The following THEM5 variants were observed in gnomAD, a reference collection of about 807,000 sequenced individuals.
THEM5 encodes acyl-coenzyme A thioesterase THEM5.
A neutral mutation model predicts 24.2 loss-of-function variants in THEM5; 28 were observed. The ratio of observed to expected loss-of-function variants is 1.16; its 90% confidence interval spans 0.86 to 1.59. The LOEUF (loss-of-function observed/expected upper bound fraction) is 1.59, where lower values mean the gene tolerates loss of function less well. THEM5 is among the 40% of genes most tolerant of loss of function. The probability of loss-of-function intolerance (pLI) is 0.00; values close to 1 mark genes in which losing one functional copy is unlikely to be tolerated. For synonymous variants in THEM5, 87 were observed against 114.5 expected, an observed-to-expected ratio of 0.76 and a Z score of 1.53; for missense variants, 260 against 296.8, an observed-to-expected ratio of 0.88 and a Z score of 0.91.
intron 5 of THEM5, 83 bp from the exon 6 acceptor site, chr1:151,847,497 A>G: frequency 6.4e-7 from 1 of 1,573,616 alleles, no homozygotes; most frequent in Non-Finnish European, 8.7e-7. Context: ...TTTGGCTGCA[A>G]ATTACCCATT....
intron 5 of THEM5, 103 bp downstream of exon 5, chr1:151,847,635 C>G: frequency 1.3e-6 from 2 of 1,514,122 alleles, no homozygotes; most frequent in Non-Finnish European, 1.8e-6. Flanking sequence ...AGAAGCTGGA[C>G]CGCAGCTTGG....
rs911419376 is a variant in THEM5, at chr1:151,849,468, C to T, written c.465-1176G>A. On this transcript the variant is annotated intron_variant, in intron 3 of 5. Transcript: ENST00000368817. ...ACCAGTGGCTTTTCCAGACCCTTCC[C>T]TCCCTGCTTCTTTAGTCTCTATCCA... Among the ~76,000 whole-genome samples the T allele has an allele frequency of 3.3e-4, 51 of 152,292 alleles. 1 individual carries two copies. The highest frequency in any genetic ancestry group is 2.2e-3 in the Admixed American group (33 of 15,298).
At chr1:151,848,325 G>T in intron 3 of THEM5, 33 bp from the exon 4 acceptor site, 3 of 1,572,284 alleles carry the variant, frequency 1.9e-6, no homozygotes, top group Non-Finnish European at 2.6e-6. Flanking sequence ...AGCAAGGCCT[G>T]GGCTGGGGCT....
At chr1:151,848,954 C>A (rs116276359) in intron 3 of THEM5, among the ~76,000 whole-genome samples, 2,210 of 152,310 alleles carry the variant, frequency 0.015, 27 homozygotes, top group Non-Finnish European at 0.024. Flanking sequence ...CGCAGTGGCT[C>A]ACGCCTGTAA....
intron 2 of THEM5, 74 bp from the exon 3 acceptor site, chr1:151,851,265 C>G: frequency 3.1e-6 from 5 of 1,590,392 alleles, no homozygotes; most frequent in Non-Finnish European, 4.3e-6. Context: ...TTGGTTGAGT[C>G]TTGCCTCTGG....
At chr1:151,853,288 G>T (rs1163275959) in intron 1 of THEM5, among the ~76,000 whole-genome samples, 155 bp downstream of exon 1, 2 of 152,208 alleles carry the variant, frequency 1.3e-5, no homozygotes, top group Non-Finnish European at 1.5e-5. Context: ...GGGCAACTTG[G>T]TATCCCAGAG....
chr1:151,851,344 G>C (rs1430692635), intron 2 of THEM5, among the ~76,000 whole-genome samples, 153 bp from the exon 3 acceptor site: 1 of 152,178 alleles, frequency 6.6e-6, no homozygotes, highest in Non-Finnish European at 1.5e-5. Flanking sequence ...TCTGGGAGCA[G>C]AGGCACAGTT....
At position 151,853,419 on chromosome 1, in the gene THEM5, C is replaced by G. The variant is rs751229305; in HGVS notation, c.123+24G>C. 37 of 1,607,266 alleles carry G rather than the reference C, an allele frequency of 2.3e-5. No individual in the cohort carries two copies. In the East Asian group the frequency reaches 7.6e-4, roughly 33 times the overall value. ...CCTAGGCTCCTGGGAAAACACTGCCCATCTGGCTGAGCTGGGAACTCACCA... is the reference window on the plus strand; with the variant it reads ...CCTAGGCTCCTGGGAAAACACTGCCGATCTGGCTGAGCTGGGAACTCACCA... On this transcript the variant is annotated intron_variant, in intron 1 of 5. Transcript: ENST00000368817.
intron 1 of THEM5, 90 bp from the exon 2 acceptor site, chr1:151,852,549 C>G: frequency 4.9e-6 from 6 of 1,235,620 alleles, no homozygotes; most frequent in Non-Finnish European, 7.0e-6. Context: ...TTCCTGGGTG[C>G]TGGGGCTTCT....
chr1:151,850,331 C>G (rs1351388759), intron 3 of THEM5: 2 of 152,300 alleles, frequency 1.3e-5, no homozygotes, highest in Non-Finnish European at 2.9e-5. Flanking sequence ...CCACGGTCAG[C>G]CTGATTTCCC....
chr1:151,847,912 A>T, intron 4 of THEM5, 50 bp from the exon 5 acceptor site: 1 of 1,610,408 alleles, frequency 6.2e-7, no homozygotes. Flanking sequence ...CCGGTTCCCC[A>T]TCCCTTCACT....
At chr1:151,847,632 G>T in intron 5 of THEM5, 106 bp downstream of exon 5, 1 of 1,511,952 alleles carries the variant, frequency 6.6e-7, no homozygotes, top group Non-Finnish European at 9.1e-7. Context: ...TAAAGAAGCT[G>T]GACCGCAGCT....
In THEM5 at chr1:151,847,431, A is replaced by G; in HGVS notation, c.701-17T>C. On this transcript the variant is annotated splice_polypyrimidine_tract_variant and intron_variant, in intron 5 of 5. Coordinates refer to ENST00000368817, the MANE Select transcript of THEM5 (RefSeq NM_182578.4). The stretch of plus-strand genomic sequence containing the variant: ...GGAAAACACCTGCAAGAGAAGGGTG[A>G]GTTGAGCTGCAAGAGCTGCACTGAG... 6.2e-7 allele frequency: 1 copy of G among 1,614,054 alleles called. No homozygotes were observed. Among genetic ancestry groups the G allele is most frequent in the Non-Finnish European group, 8.5e-7 (1 of 1,179,988 alleles).
At chr1:151,850,990 G>A in intron 3 of THEM5, 63 bp downstream of exon 3, 1 of 1,601,378 alleles carries the variant, frequency 6.2e-7, no homozygotes, top group Non-Finnish European at 8.5e-7. Context: ...AGCCTGGTGG[G>A]TGCTGAACCT....
chr1:151,849,849 G>A (rs1653060016), intron 3 of THEM5, among the ~76,000 whole-genome samples: 1 of 152,166 alleles, frequency 6.6e-6, no homozygotes, highest in Non-Finnish European at 1.5e-5. Flanking sequence ...GGGGCCTGGT[G>A]GATACTAATC....
chr1:151,847,877 A>C lies in THEM5; in HGVS notation c.576-15T>G. On this transcript the variant is annotated splice_polypyrimidine_tract_variant and intron_variant, in intron 4 of 5. Coordinates refer to ENST00000368817, the MANE Select transcript of THEM5 (RefSeq NM_182578.4). ...CGGGGATCAAGCTGGGAGACGAGGC[A>C]GCTTAGCCCATCTCTCATGTGAACC... 1 of 1,613,764 alleles carries C rather than the reference A, an allele frequency of 6.2e-7. No individual in the cohort carries two copies. The highest frequency in any genetic ancestry group is 8.5e-7 in the Non-Finnish European group (1 of 1,179,984).
intron 1 of THEM5, 104 bp downstream of exon 1, chr1:151,853,339 G>A (rs1378912999): frequency 1.2e-5 from 17 of 1,420,032 alleles, no homozygotes; most frequent in Non-Finnish European, 1.6e-5. Context: ...TCCGAACACT[G>A]CCCACCTGCC....
intron 4 of THEM5, 51 bp from the exon 5 acceptor site, chr1:151,847,913 T>G: frequency 6.2e-7 from 1 of 1,610,030 alleles, no homozygotes; most frequent in Admixed American, 1.7e-5. Flanking sequence ...CGGTTCCCCA[T>G]CCCTTCACTC....
chr1:151,853,077 T>C (rs1306467571), intron 1 of THEM5, among the ~76,000 whole-genome samples: 1 of 152,188 alleles, frequency 6.6e-6, no homozygotes, highest in Non-Finnish European at 1.5e-5. Flanking sequence ...AAGTCCTCTG[T>C]AGCGTCACCT....
Sources: allele counts gnomAD v4.1 joint callset (sites outside exome capture counted in the v4.1 genomes callset), GRCh38; gene constraint gnomAD v4.1.1; transcripts MANE v1.5; gene names NCBI Gene and HGNC (gene_info 2026-07-23, HGNC 2026-07-21).